Variants in RYR2 observed in about 807,000 individuals in gnomAD.
RYR2 encodes ryanodine receptor 2.
A neutral mutation model predicts 601.1 loss-of-function variants in RYR2; 227 were observed. The ratio of observed to expected loss-of-function variants is 0.38; its 90% CI spans 0.34 to 0.42. The LOEUF is 0.42. Among genes scored for constraint, RYR2 ranks in the 10% least tolerant of loss-of-function variants. The pLI is 1.00. For missense variants in RYR2, 4,646 were observed against 6,156.5 expected, an observed-to-expected ratio of 0.75 and a Z score of 8.21; for synonymous variants, 2,223 against 2,175.1, an observed-to-expected ratio of 1.02 and a Z score of -0.61.
chr1:237,562,145 G>C (rs139433693), intron 27 of RYR2, among the ~76,000 whole-genome samples: 1 of 152,256 alleles, frequency 6.6e-6, no homozygotes, highest in East Asian at 1.9e-4. Context: ...CTGTATTTGA[G>C]TTGTAGTATC....
At chr1:237,240,665 CA>C (rs35984919) in intron 1 of RYR2, among the ~76,000 whole-genome samples, 1,733 of 55,252 alleles carry the variant, frequency 0.031, 41 homozygotes, top group African/African-American at 0.096. Flanking sequence ...CTATAAAAGC[CA>C]AAAAAAAAAA....
Position 237,708,874 on chromosome 1 carries a change from A to T in RYR2, c.9918A>T (p.Ile3306=). 6.2e-7 allele frequency: 1 copy of T among 1,610,494 alleles called. No homozygotes were observed. The highest frequency in any genetic ancestry group is 8.5e-7 in the Non-Finnish European group (1 of 1,177,454). ...MKRLAVFSQP[I]INKVKPQLLK... ...TTTAAACAGTGTTTTCCCAGCCTAT[A>T]ATAAATAAAGTGAAACCTCAGCTCT... is the stretch of plus-strand genomic sequence containing the variant. The change falls in exon 69 of 105, where the codon ATA becomes ATT. Residue 3306 remains isoleucine (I), a synonymous_variant. Coordinates refer to ENST00000366574, the MANE Select transcript of RYR2 (RefSeq NM_001035.3).
chr1:237,386,985 C>T (rs944771446), intron 8 of RYR2, among the ~76,000 whole-genome samples: 1 of 152,100 alleles, frequency 6.6e-6, no homozygotes, highest in Non-Finnish European at 1.5e-5. Flanking sequence ...CATCAACCAT[C>T]GTTAAAACAA....
intron 38 of RYR2, among the ~76,000 whole-genome samples, chr1:237,623,389 T>TCTTTC (rs1349118067): frequency 3.0e-5 from 4 of 132,490 alleles, no homozygotes; most frequent in Admixed American, 2.3e-4. Flanking sequence ...CTTTCTTTTT[T>TCTTTC]TTTTTTTTTT....
chr1:237,245,416 T>C (rs924979142), intron 1 of RYR2, among the ~76,000 whole-genome samples: 2 of 152,080 alleles, frequency 1.3e-5, no homozygotes, highest in South Asian at 2.1e-4. Context: ...TGGAAATAAA[T>C]TCAGCTGTAA....
rs10925320 is a variant in RYR2, at chr1:237,122,636, C to G, written c.48+80067C>G. Among the ~76,000 whole-genome samples, 402 of 152,226 alleles carry G rather than the reference C, an allele frequency of 2.6e-3. 2 individuals carry two copies. The highest frequency in any genetic ancestry group is 9.4e-3 in the African/African-American group (389 of 41,530). On this transcript the variant is annotated intron_variant, in intron 1 of 104. Transcript: ENST00000366574. ...GGTGGAGATTGCAGTGAGCTGAGAT[C>G]GCGCCACTGCACTCCAGCCTGGGCA...
chr1:237,217,612 A>G (rs905829416), intron 1 of RYR2, among the ~76,000 whole-genome samples: 2 of 152,316 alleles, frequency 1.3e-5, no homozygotes, highest in African/African-American at 2.4e-5. Flanking sequence ...TGTCTGGTAC[A>G]TGGTAAGAAC....
At chr1:237,242,629 G>A (rs967441650) in intron 1 of RYR2, among the ~76,000 whole-genome samples, 13 of 152,056 alleles carry the variant, frequency 8.5e-5, no homozygotes, top group African/African-American at 3.1e-4. Flanking sequence ...ACATTTTCAC[G>A]TTACTATGCA....
chr1:237,344,316 G>A lies in RYR2; in HGVS notation c.274-11649G>A, dbSNP rs10925376. On this transcript the variant is annotated intron_variant, in intron 3 of 104. Coordinates refer to ENST00000366574, the MANE Select transcript of RYR2 (RefSeq NM_001035.3). Reference sequence around the variant, plus strand: ...TTGCACGCTGTCCCTCCAGCAGACCGTTCCTAATTTAACTGCTATCCTGTG... The same window carrying A: ...TTGCACGCTGTCCCTCCAGCAGACCATTCCTAATTTAACTGCTATCCTGTG... Among the ~76,000 whole-genome samples the A allele has an allele frequency of 3.5e-3, 539 of 152,236 alleles. 5 individuals are homozygous for A. Among genetic ancestry groups the A allele is most frequent in the African/African-American group, 0.012 (506 of 41,542 alleles).
chr1:237,223,674 A>G (rs1309233031), intron 1 of RYR2, among the ~76,000 whole-genome samples: 1 of 152,202 alleles, frequency 6.6e-6, no homozygotes. Flanking sequence ...CTCTGGGCAA[A>G]GGATGTGTGA....
At chr1:237,575,646 C>G (rs1673149053) in intron 29 of RYR2, among the ~76,000 whole-genome samples, 2 of 151,968 alleles carry the variant, frequency 1.3e-5, no homozygotes, top group African/African-American at 4.8e-5. Context: ...GCAAAACATG[C>G]CATATCAAGC....
At chr1:237,458,495 C>T (rs145313102) in intron 16 of RYR2, among the ~76,000 whole-genome samples, 1 of 152,116 alleles carries the variant, frequency 6.6e-6, no homozygotes, top group Non-Finnish European at 1.5e-5. Flanking sequence ...TTGAACCTTC[C>T]TTCTCTGGTT....
chr1:237,514,609 C>G (rs538695918), intron 24 of RYR2, among the ~76,000 whole-genome samples: 4 of 152,244 alleles, frequency 2.6e-5, no homozygotes, highest in African/African-American at 9.6e-5. Flanking sequence ...AAGTACAGTA[C>G]TTTCTTCCTA....
At chr1:237,303,292 C>CTTTTTTTT (rs386370109) in intron 2 of RYR2, among the ~76,000 whole-genome samples, 13 of 85,252 alleles carry the variant, frequency 1.5e-4, no homozygotes, top group Non-Finnish European at 1.5e-4. Flanking sequence ...CTGCGGTTAT[C>CTTTTTTTT]TTTTTTTTTT....
At chr1:237,501,315 A>G (rs1664614398) in intron 21 of RYR2, among the ~76,000 whole-genome samples, 1 of 151,872 alleles carries the variant, frequency 6.6e-6, no homozygotes, top group Admixed American at 6.6e-5. Context: ...TCTTATTTCA[A>G]TAGAAATTAA....
At chr1:237,200,114 C>A (rs1374862067) in intron 1 of RYR2, among the ~76,000 whole-genome samples, 1 of 152,154 alleles carries the variant, frequency 6.6e-6, no homozygotes, top group East Asian at 1.9e-4. Context: ...AAGTAATTTA[C>A]CCAAAATCAC....
chr1:237,714,103 A>G (rs906067325), intron 71 of RYR2, among the ~76,000 whole-genome samples: 2 of 152,148 alleles, frequency 1.3e-5, no homozygotes, highest in African/African-American at 4.8e-5. Context: ...ATCAGCCTGG[A>G]GTGCTGACTC....
intron 1 of RYR2, among the ~76,000 whole-genome samples, chr1:237,112,144 TG>T (rs1199402177): frequency 6.6e-6 from 1 of 152,194 alleles, no homozygotes; most frequent in East Asian, 1.9e-4. Context: ...GATGGAGTTT[TG>T]CTTTTGTTGT....
intron 1 of RYR2, among the ~76,000 whole-genome samples, chr1:237,095,286 A>G (rs866937326): frequency 6.6e-6 from 1 of 152,154 alleles, no homozygotes; most frequent in Admixed American, 6.5e-5. Context: ...GGTACCGTAC[A>G]TTTCTAGTCT....
Sources: gnomAD v4.1 joint callset for allele counts (sites outside exome capture counted in the v4.1 genomes callset) on GRCh38, gnomAD v4.1.1 for gene constraint, MANE v1.5 for transcripts, NCBI Gene and HGNC (gene_info 2026-07-23, HGNC 2026-07-21) for gene names.